The following BLTP1 variants were observed in gnomAD, a reference collection of about 807,000 sequenced individuals.
BLTP1 encodes bridge-like lipid transfer protein family member 1, also known as fragile site-associated protein.
chr4:122,181,295 C>T, the BLTP1 span: 14 of 927,600 alleles, frequency 1.5e-5, no homozygotes, highest in South Asian at 5.0e-5. Context: ...GTGCTCCTGG[C>T]GCAGAATTTG....
chr4:122,322,268 T>C, the BLTP1 span, among the ~76,000 whole-genome samples: 1 of 152,050 alleles, frequency 6.6e-6, no homozygotes, highest in Admixed American at 6.6e-5. Context: ...CCTATTGATA[T>C]ATCCTCAAGT....
chr4:122,331,209 T>C, the BLTP1 span: 1 of 1,432,362 alleles, frequency 7.0e-7, no homozygotes, highest in South Asian at 1.5e-5. Context: ...CTCATGTGAA[T>C]TTACAAAATA....
chr4:122,152,383 G>A, the BLTP1 span: 3 of 985,076 alleles, frequency 3.0e-6, no homozygotes, highest in Non-Finnish European at 2.4e-6. Context: ...CCGCCCCCTT[G>A]GGTGTCGGTG....
chr4:122,238,030 T>C, the BLTP1 span: 1 of 1,520,488 alleles, frequency 6.6e-7, no homozygotes, highest in Non-Finnish European at 8.8e-7. Flanking sequence ...TAGATTGCCA[T>C]GTTTTTTATA....
the BLTP1 span, chr4:122,211,037 C>G: frequency 6.2e-7 from 1 of 1,608,974 alleles, no homozygotes; most frequent in Non-Finnish European, 8.5e-7. Flanking sequence ...ATGGAACTTT[C>G]TCCAGATTCT....
At chr4:122,259,363 C>T in the BLTP1 span, among the ~76,000 whole-genome samples, 3 of 152,202 alleles carry the variant, frequency 2.0e-5, no homozygotes, top group African/African-American at 7.2e-5. Flanking sequence ...ACGTCAGTTT[C>T]CTTGGTGTAA....
chr4:122,271,086 G>A, the BLTP1 span: 1 of 1,613,830 alleles, frequency 6.2e-7, no homozygotes, highest in Non-Finnish European at 8.5e-7. Flanking sequence ...TTTAGCATCA[G>A]TGCTGTTGTA....
the BLTP1 span, chr4:122,325,126 A>G: frequency 1.4e-4 from 165 of 1,158,578 alleles, no homozygotes; most frequent in Non-Finnish European, 1.8e-4. Flanking sequence ...GATTAGGTAA[A>G]TACTTACAAA....
At chr4:122,280,651 G>GA in the BLTP1 span, among the ~76,000 whole-genome samples, 1 of 120,082 alleles carries the variant, frequency 8.3e-6, no homozygotes, top group Non-Finnish European at 1.7e-5. Flanking sequence ...CAACAACAGC[G>GA]AAATTCCATC....
chr4:122,235,006 T>G, the BLTP1 span: 1 of 1,602,030 alleles, frequency 6.2e-7, no homozygotes, highest in East Asian at 2.2e-5. Flanking sequence ...ACTAAAGAAA[T>G]TCCCAAAATT....
the BLTP1 span, chr4:122,339,401 A>G: frequency 6.2e-7 from 1 of 1,611,080 alleles, no homozygotes. Context: ...GCAAAACTGG[A>G]ATACCAGGTA....
chr4:122,234,709 T>G, the BLTP1 span: 1 of 1,509,850 alleles, frequency 6.6e-7, no homozygotes, highest in Non-Finnish European at 8.9e-7. Flanking sequence ...TATCAAAAAG[T>G]TTTTCATTTC....
At chr4:122,226,326 C>T in the BLTP1 span, 1 of 866,932 alleles carries the variant, frequency 1.2e-6, no homozygotes, top group Non-Finnish European at 1.4e-6. Context: ...GATACTTTTT[C>T]ACATAAAAGT....
At chr4:122,328,211 T>C in the BLTP1 span, 4 of 1,611,402 alleles carry the variant, frequency 2.5e-6, no homozygotes, top group Non-Finnish European at 3.4e-6. Flanking sequence ...CTCCCAAAAC[T>C]CCAGGAGGCT....
chr4:122,207,489 A>C, the BLTP1 span: 1 of 1,520,992 alleles, frequency 6.6e-7, no homozygotes, highest in Non-Finnish European at 8.8e-7. Context: ...TTTAATGGAC[A>C]TTAAAAGTAA....
At chr4:122,271,452 C>T in the BLTP1 span, 1 of 1,613,542 alleles carries the variant, frequency 6.2e-7, no homozygotes, top group Non-Finnish European at 8.5e-7. Context: ...AACAAACGGA[C>T]CAACAATGAG....
At chr4:122,307,445 C>T in the BLTP1 span, 1 of 983,766 alleles carries the variant, frequency 1.0e-6, no homozygotes, top group Non-Finnish European at 1.2e-6. Context: ...TTTTAGAGGC[C>T]CCTCCATCTA....
chr4:122,192,752 ATCTT>A, the BLTP1 span, among the ~76,000 whole-genome samples: 1 of 152,190 alleles, frequency 6.6e-6, no homozygotes, highest in Non-Finnish European at 1.5e-5. Context: ...AAAGACATAT[ATCTT>A]CCAGTTTTAG....
At chr4:122,200,961 T>C in the BLTP1 span, 1 of 1,591,640 alleles carries the variant, frequency 6.3e-7, no homozygotes, top group Non-Finnish European at 8.5e-7. Flanking sequence ...GTTCACACAG[T>C]GTCACATTTT....
Sources: gnomAD v4.1 joint callset for allele counts (sites outside exome capture counted in the v4.1 genomes callset) on GRCh38, gnomAD v4.1.1 for gene constraint, MANE v1.5 for transcripts, NCBI Gene and HGNC (gene_info 2026-07-23, HGNC 2026-07-21) for gene names.